Variants in ZNF331 observed in about 807,000 individuals in gnomAD.
ZNF331 encodes the protein C2H2-like zinc finger protein rearranged in thyroid adenomas.
In ZNF331, 2 loss-of-function variants were observed where a neutral mutation model predicts 7.0. The ratio of observed to expected loss-of-function variants is 0.29; its 90% CI spans 0.12 to 0.90. ZNF331 has a LOEUF of 0.90. ZNF331 is among the 40% of genes least tolerant of loss of function. ZNF331 has a pLI of 0.58. For synonymous variants in ZNF331, 196 were observed against 205.4 expected (o/e 0.95, Z 0.39); for missense variants, 432 against 587.7 (o/e 0.74, Z 2.74).
intron 2 of ZNF331, among the ~76,000 whole-genome samples, chr19:53,545,330 G>T (rs1488903292): frequency 1.3e-5 from 2 of 152,178 alleles, no homozygotes; most frequent in Non-Finnish European, 2.9e-5. Context: ...TTAGTACTTG[G>T]AATGAGAGCG....
chr19:53,534,087 T>C (rs1052657909), upstream of ZNF331, among the ~76,000 whole-genome samples: 2 of 152,158 alleles, frequency 1.3e-5, no homozygotes, highest in East Asian at 1.9e-4. Flanking sequence ...CTAAGACAAC[T>C]GTATTGCTGA....
intron 5 of ZNF331, among the ~76,000 whole-genome samples, chr19:53,574,863 G>A (rs545995569): frequency 6.6e-6 from 1 of 151,424 alleles, no homozygotes; most frequent in South Asian, 2.1e-4. Flanking sequence ...CAGTGGCACT[G>A]TTCATATTGG....
At chr19:53,574,920 T>G (rs1368057307) in intron 5 of ZNF331, among the ~76,000 whole-genome samples, 1 of 148,344 alleles carries the variant, frequency 6.7e-6, no homozygotes, top group African/African-American at 2.5e-5. Context: ...AGTTTTTATG[T>G]TGTATTTTTT....
chr19:53,545,841 C>T (rs1470947062), intron 2 of ZNF331, among the ~76,000 whole-genome samples: 2 of 152,184 alleles, frequency 1.3e-5, no homozygotes, highest in African/African-American at 2.4e-5. Context: ...GCTCCTGTGT[C>T]ACAGTAACGG....
chr19:53,546,586 G>A (rs890066134), intron 2 of ZNF331, among the ~76,000 whole-genome samples: 3 of 151,762 alleles, frequency 2.0e-5, no homozygotes, highest in Admixed American at 1.3e-4. Context: ...ATGTTAGCGC[G>A]CTTTATTTTA....
At chr19:53,516,262 C>G (rs564786734), upstream of ZNF331, among the ~76,000 whole-genome samples, 1 of 152,158 alleles carries the variant, frequency 6.6e-6, no homozygotes, top group South Asian at 2.1e-4. Flanking sequence ...ACCAGCCTGG[C>G]TAACATGGTG....
rs1270580895 is a variant in ZNF331, at chr19:53,576,929, G to A, written c.369G>A (p.Gln123=). 1 of 1,614,080 alleles carries A rather than the reference G, an allele frequency of 6.2e-7. No homozygotes were observed. Among genetic ancestry groups the A allele is most frequent in the African/African-American group, 1.3e-5 (1 of 74,928 alleles). ...TREGTPPRTH[Q]RHHKENSFEC... is the part of the protein sequence containing the mutation. ...AAGGCACCCCTCCTAGAACACATCA[G>A]AGACATCATAAGGAGAATTCCTTTG... The change falls in exon 6 of 6, where the codon CAG becomes CAA. Residue 123 remains glutamine, a synonymous_variant. Transcript: ENST00000449416.
In ZNF331 at chr19:53,571,737, T is replaced by C; in HGVS notation, c.136+7T>C. 1 of 1,605,772 alleles carries C rather than the reference T, an allele frequency of 6.2e-7. No homozygotes were observed. The highest frequency in any genetic ancestry group is 8.5e-7 in the Non-Finnish European group (1 of 1,176,124). The stretch of plus-strand genomic sequence containing the variant: ...AGTAACTTGGTCTCACTGGGTGAGT[T>C]GCACGCCTCAGATAACTTAGACTGC... On this transcript the variant is annotated splice_region_variant and intron_variant, in intron 5 of 5. Coordinates refer to ENST00000449416, the MANE Select transcript of ZNF331 (RefSeq NM_001079906.2). This position sits in a 1 kb window ranked among gnomAD's most constrained non-coding sequence, Gnocchi z 4.7.
At chr19:53,527,966 A>G (rs1379524774) in intron 2 of ZNF331, among the ~76,000 whole-genome samples, 1 of 152,266 alleles carries the variant, frequency 6.6e-6, no homozygotes, top group Non-Finnish European at 1.5e-5. Flanking sequence ...TAACATTTCC[A>G]TGATTATATG....
chr19:53,553,577 G>A (rs2089155688), intron 2 of ZNF331, among the ~76,000 whole-genome samples: 1 of 151,720 alleles, frequency 6.6e-6, no homozygotes, highest in Non-Finnish European at 1.5e-5. Flanking sequence ...ATTCTAAAAA[G>A]TGGGATTTTG....
At chr19:53,575,343 T>C (rs2090658738) in intron 5 of ZNF331, among the ~76,000 whole-genome samples, 1 of 152,168 alleles carries the variant, frequency 6.6e-6, no homozygotes, top group Non-Finnish European at 1.5e-5. Flanking sequence ...AAACGTTTGC[T>C]GTTTCTCAGT....
chr19:53,554,979 G>A (rs948962337), intron 2 of ZNF331: 4 of 154,616 alleles, frequency 2.6e-5, no homozygotes, highest in Admixed American at 1.3e-4. Flanking sequence ...TGGCGGGGCC[G>A]GCAGCGTGGC....
At chr19:53,533,071 G>A (rs1356296315) in intron 2 of ZNF331, among the ~76,000 whole-genome samples, 5 of 151,432 alleles carry the variant, frequency 3.3e-5, no homozygotes, top group South Asian at 2.1e-4. Context: ...GTTCTTTTTC[G>A]AGTTCCTTGA....
chr19:53,510,431 C>CTT, the ZNF331 span, among the ~76,000 whole-genome samples: 1 of 137,932 alleles, frequency 7.2e-6, no homozygotes, highest in Non-Finnish European at 1.6e-5. Flanking sequence ...GAAACTTGAA[C>CTT]TTTTTTTTTT....
chr19:53,562,084 G>A lies in ZNF331; in HGVS notation c.-74+6176G>A, dbSNP rs368636800. 1.8e-4 allele frequency among the ~76,000 whole-genome samples: 27 copies of A among 152,226 alleles called. No homozygotes were observed. The South Asian group carries it at 5.6e-3, about 32-fold the overall frequency. ...AATTGCTTGAACCTGGGAGGTGGAG[G>A]TTGCAGTGAGCCGAGATTGTGCCAC... On this transcript the variant is annotated intron_variant, in intron 3 of 5. Coordinates refer to ENST00000449416, the MANE Select transcript of ZNF331 (RefSeq NM_001079906.2).
upstream of ZNF331, among the ~76,000 whole-genome samples, chr19:53,519,371 C>T (rs1055052780): frequency 6.6e-6 from 1 of 152,234 alleles, no homozygotes; most frequent in Non-Finnish European, 1.5e-5. Flanking sequence ...CAAAGTGAAA[C>T]ATTTCACAGG....
intron 2 of ZNF331, among the ~76,000 whole-genome samples, chr19:53,553,676 G>A (rs1322279897): frequency 6.6e-6 from 1 of 152,180 alleles, no homozygotes; most frequent in Non-Finnish European, 1.5e-5. Context: ...GGACTAACTG[G>A]GCATAACTGC....
At chr19:53,546,488 T>C (rs534313649) in intron 2 of ZNF331, among the ~76,000 whole-genome samples, 1 of 151,290 alleles carries the variant, frequency 6.6e-6, no homozygotes, top group African/African-American at 2.4e-5. Context: ...ATTGTTGACA[T>C]CCTGCTGTGT....
Position 53,571,666 on chromosome 19 carries a change from C to T in ZNF331, c.72C>T (p.Asn24=), listed in dbSNP as rs2090451092. Residue 24 remains asparagine (N), a synonymous_variant, in exon 5 of 6, where the codon AAC becomes AAT. Coordinates refer to ENST00000449416, the MANE Select transcript of ZNF331 (RefSeq NM_001079906.2). This position sits in a 1 kb window ranked among gnomAD's most constrained non-coding sequence, Gnocchi z 4.7. ...DFSQEEWACL[N]SAQRDLYWDV... ...CTCAGGAGGAGTGGGCCTGTCTGAA[C>T]TCTGCTCAGAGGGACCTGTACTGGG... is the stretch of plus-strand genomic sequence containing the variant. 6.2e-7 allele frequency: 1 copy of T among 1,614,118 alleles called. No individual in the cohort carries two copies. The highest frequency in any genetic ancestry group is 8.5e-7 in the Non-Finnish European group (1 of 1,180,012).
Sources: allele counts gnomAD v4.1 joint callset (sites outside exome capture counted in the v4.1 genomes callset), GRCh38; gene constraint gnomAD v4.1.1; non-coding constraint Gnocchi (gnomAD v3.1); transcripts MANE v1.5; gene names NCBI Gene and HGNC (gene_info 2026-07-23, HGNC 2026-07-21).